Variants in OTOF observed in about 807,000 individuals in gnomAD.
The protein encoded by OTOF is fer-1-like family member 2.
In OTOF, 218 loss-of-function variants were observed where a neutral mutation model predicts 236.8. The ratio of observed to expected loss-of-function variants is 0.92; its 90% CI spans 0.82 to 1.03. The LOEUF (loss-of-function observed/expected upper bound fraction) is 1.03. Among genes scored for constraint, OTOF ranks in the 50% least tolerant of loss-of-function variants. The pLI is 0.00. For synonymous variants in OTOF, 1,041 were observed against 1,072.5 expected (o/e 0.97, Z 0.57); for missense variants, 2,590 against 2,694.4 (o/e 0.96, Z 0.86).
At chr2:26,476,347 C>A in intron 22 of OTOF, 30 bp from the exon 23 acceptor site, 1 of 1,595,302 alleles carries the variant, frequency 6.3e-7, no homozygotes, top group Non-Finnish European at 8.5e-7. Flanking sequence ...CACCAGGAGC[C>A]TGACGGCTGC....
At chr2:26,471,004 C>A in intron 31 of OTOF, 117 bp downstream of exon 31, 1 of 1,354,632 alleles carries the variant, frequency 7.4e-7, no homozygotes, top group Admixed American at 1.7e-5. Context: ...GGTGTGCTGG[C>A]CCAAGCATGC....
rs537390374 is a variant in OTOF at position 26,537,079 on chromosome 2, G to A, written c.138+637C>T. Among the ~76,000 whole-genome samples, 8 of 152,312 alleles carry A rather than the reference G, an allele frequency of 5.3e-5. No individual in the cohort carries two copies. In the South Asian group the frequency reaches 1.7e-3, roughly 32 times the overall value. On this transcript the variant is annotated intron_variant, in intron 2 of 46. Transcript: ENST00000272371. ...CTTTGCTGATAAAATTGTGACAACAGCCCAGCTGGAGTGAGGATTGAGAAA... is the reference window on the plus strand; with the variant it reads ...CTTTGCTGATAAAATTGTGACAACAACCCAGCTGGAGTGAGGATTGAGAAA...
At chr2:26,553,857 G>T (rs13029128) in intron 1 of OTOF, among the ~76,000 whole-genome samples, 65,499 of 151,892 alleles carry the variant, frequency 0.43, 15,185 homozygotes, top group Middle Eastern at 0.61. Flanking sequence ...CCACCTATGG[G>T]CTGGAGCTGA....
At chr2:26,471,356 G>A (rs569000876) in intron 30 of OTOF, among the ~76,000 whole-genome samples, 4 of 152,312 alleles carry the variant, frequency 2.6e-5, no homozygotes, top group Non-Finnish European at 5.9e-5. Context: ...GTTTCTTTGG[G>A]TGGCCAAAGG....
At chr2:26,479,880 C>T (rs1030054364) in intron 16 of OTOF, among the ~76,000 whole-genome samples, 4 of 152,260 alleles carry the variant, frequency 2.6e-5, no homozygotes, top group Non-Finnish European at 5.9e-5. Flanking sequence ...CTGGCCCAGG[C>T]TGTGGCCTGA....
chr2:26,558,144 G>C (rs1667640991), intron 1 of OTOF, among the ~76,000 whole-genome samples: 1 of 151,892 alleles, frequency 6.6e-6, no homozygotes, highest in Admixed American at 6.5e-5. Context: ...ACCTGCAGGA[G>C]AGGGAGAGAG....
At chr2:26,496,672 T>C (rs1199827934) in intron 8 of OTOF, among the ~76,000 whole-genome samples, 1 of 152,012 alleles carries the variant, frequency 6.6e-6, no homozygotes, top group Non-Finnish European at 1.5e-5. Flanking sequence ...TCAGGTCTCA[T>C]TTGGATTTGG....
intron 1 of OTOF, among the ~76,000 whole-genome samples, chr2:26,546,748 GT>G (rs35627471): frequency 0.027 from 3,778 of 142,102 alleles, 148 homozygotes; most frequent in African/African-American, 0.087. Flanking sequence ...TACATGTTTG[GT>G]TTTTTTTTTT....
At chr2:26,544,022 G>C (rs570610559) in intron 1 of OTOF, among the ~76,000 whole-genome samples, 2 of 152,196 alleles carry the variant, frequency 1.3e-5, no homozygotes, top group African/African-American at 2.4e-5. Context: ...CGCCCAGCTT[G>C]CTTGTCCTTT....
intron 32 of OTOF, among the ~76,000 whole-genome samples, chr2:26,469,131 T>C (rs1664865360): frequency 6.6e-6 from 1 of 152,214 alleles, no homozygotes; most frequent in Non-Finnish European, 1.5e-5. Flanking sequence ...TTAATGTTGC[T>C]TTTAGTGATA....
chr2:26,476,798 C>T (rs1236520053), intron 22 of OTOF, 93 bp downstream of exon 22: 2 of 1,172,356 alleles, frequency 1.7e-6, no homozygotes, highest in South Asian at 2.4e-5. Context: ...TGCTTGAAGG[C>T]CCCACCCTGT....
In OTOF at chr2:26,472,634, C is replaced by T. The variant is rs755411269; in HGVS notation, c.3749G>A (p.Arg1250His). 6.8e-6 allele frequency: 11 copies of T among 1,613,146 alleles called. No individual in the cohort carries two copies. The highest frequency in any genetic ancestry group is 3.3e-4 in the Middle Eastern group (2 of 6,062). ...SWNTTVRLLR[R>H]CRVLCNGGSS... ...GCCCCCATTGCACAGCACACGGCAG[C>T]GCCGGAGAAGCCTGACTGGACAGAT... Residue 1250 changes from arginine (R) to histidine (H), a missense_variant, in exon 30 of 47, where the codon CGC becomes CAC. Physicochemically the swap from Arg to His is conservative, Grantham distance 29. This residue lies in a region of OTOF where 1,211 missense variants were observed against 1,352.8 expected (regional missense o/e 0.90). Coordinates refer to ENST00000272371, the MANE Select transcript of OTOF (RefSeq NM_194248.3).
chr2:26,489,601 G>A (rs1213229120), intron 10 of OTOF, 77 bp downstream of exon 10: 2 of 1,255,958 alleles, frequency 1.6e-6, no homozygotes, highest in Non-Finnish European at 2.3e-6. Context: ...TCTAGACAGA[G>A]GGGGCCCCTC....
chr2:26,512,958 G>A (rs1439124132), intron 5 of OTOF, among the ~76,000 whole-genome samples: 1 of 152,206 alleles, frequency 6.6e-6, no homozygotes, highest in Non-Finnish European at 1.5e-5. Flanking sequence ...AGTGGAGCCT[G>A]TGCTCTGTCA....
In OTOF at chr2:26,477,761, G is replaced by C; in HGVS notation, c.2215-12C>G. ...TTCAGGCCTTCTTCCTGTGAATCAG[G>C]AGTGTGGGTGATGCTGGGCCACAGC... On this transcript the variant is annotated splice_polypyrimidine_tract_variant and intron_variant, in intron 18 of 46. Coordinates refer to ENST00000272371, the MANE Select transcript of OTOF (RefSeq NM_194248.3). The surrounding 1 kb of genome is among the most constrained non-coding windows in gnomAD (Gnocchi z 4.7). 1.2e-6 allele frequency: 2 copies of C among 1,612,600 alleles called. No homozygotes were observed. Among genetic ancestry groups the C allele is most frequent in the Non-Finnish European group, 1.7e-6 (2 of 1,179,886 alleles).
intron 12 of OTOF, among the ~76,000 whole-genome samples, 165 bp downstream of exon 12, chr2:26,484,309 C>T (rs951628719): frequency 2.0e-5 from 3 of 152,220 alleles, no homozygotes; most frequent in African/African-American, 4.8e-5. Context: ...CTCCATCACC[C>T]CCTGCCCCTG....
chr2:26,522,296 T>C (rs1000229493), intron 3 of OTOF, among the ~76,000 whole-genome samples: 1 of 152,220 alleles, frequency 6.6e-6, no homozygotes. Flanking sequence ...TTTATAAACC[T>C]TGACTCTTTC....
At chr2:26,519,945 G>A (rs992140746) in intron 3 of OTOF, among the ~76,000 whole-genome samples, 2 of 152,206 alleles carry the variant, frequency 1.3e-5, no homozygotes, top group African/African-American at 2.4e-5. Flanking sequence ...GGCATGGGTG[G>A]TGCTTTTTAT....
chr2:26,480,405 G>T, intron 15 of OTOF, 94 bp from the exon 16 acceptor site: 2 of 815,334 alleles, frequency 2.5e-6, no homozygotes, highest in Non-Finnish European at 4.2e-6. Context: ...GGCCGTGGGG[G>T]TGGATGGTGG....
Sources: gnomAD v4.1 joint callset for allele counts (sites outside exome capture counted in the v4.1 genomes callset) on GRCh38, gnomAD v4.1.1 for gene constraint, gnomAD v4.1.1 regional missense constraint, Gnocchi (gnomAD v3.1) non-coding constraint, MANE v1.5 for transcripts, NCBI Gene and HGNC (gene_info 2026-07-23, HGNC 2026-07-21) for gene names.